TTC6: variants seen among roughly 807,000 people sequenced by gnomAD.
TTC6 encodes tetratricopeptide repeat protein 6.
A neutral mutation model predicts 210.4 loss-of-function variants in TTC6; 172 were observed. The ratio of observed to expected loss-of-function variants is 0.82; its 90% CI spans 0.72 to 0.93. TTC6 has a LOEUF of 0.93. Among genes scored for constraint, TTC6 ranks in the 40% least tolerant of loss-of-function variants. TTC6 has a pLI of 0.00. For missense variants in TTC6, 2,414 were observed against 2,318.1 expected (o/e 1.04, Z -0.85); for synonymous variants, 804 against 819.6 (o/e 0.98, Z 0.32).
rs367981745 is a variant in TTC6 at position 37,598,544 on chromosome 14, C to G, written c.-235+2536C>G. 6.6e-6 allele frequency among the ~76,000 whole-genome samples: 1 copy of G among 152,228 alleles called. No individual in the cohort carries two copies. Among genetic ancestry groups the G allele is most frequent in the Non-Finnish European group, 1.5e-5 (1 of 68,032 alleles). On this transcript the variant is annotated intron_variant, in intron 1 of 2. Coordinates refer to the TTC6 transcript ENST00000556845. This position sits in a 1 kb window ranked among gnomAD's most constrained non-coding sequence, Gnocchi z 4.9. ...CACTCGGTCCTTTGACCACGCTTGG[C>G]TGCCTCAGCTTACACTTCCCAGCAG...
chr14:37,738,951 G>A (rs1188049461), exon 10 of TTC6: 2 of 1,535,494 alleles, frequency 1.3e-6, no homozygotes, highest in Non-Finnish European at 1.7e-6. Flanking sequence ...GTGAAAGAAA[G>A]TATAGATGAC....
intron 14 of TTC6, among the ~76,000 whole-genome samples, chr14:37,765,097 T>C (rs912971114): frequency 1.3e-5 from 2 of 152,018 alleles, no homozygotes; most frequent in Non-Finnish European, 2.9e-5. Flanking sequence ...TATAAAAATT[T>C]TGTGCCTGTA....
chr14:37,774,588 A>T (rs187525689), intron 14 of TTC6, among the ~76,000 whole-genome samples: 82 of 152,284 alleles, frequency 5.4e-4, no homozygotes, highest in African/African-American at 1.9e-3. Context: ...GATAAAGCCT[A>T]CTTGCTCATG....
At chr14:37,635,815 C>T (rs1287475817) in intron 1 of TTC6, among the ~76,000 whole-genome samples, 3 of 151,412 alleles carry the variant, frequency 2.0e-5, no homozygotes, top group Non-Finnish European at 4.4e-5. Flanking sequence ...CCTGTCTCTA[C>T]CAAAAATACA....
intron 1 of TTC6, among the ~76,000 whole-genome samples, chr14:37,667,345 A>G (rs575153159): frequency 7.3e-5 from 11 of 150,520 alleles, no homozygotes; most frequent in Middle Eastern, 6.8e-3. Flanking sequence ...CATTAATACT[A>G]TGAATCGGAT....
intron 29 of TTC6, among the ~76,000 whole-genome samples, chr14:37,836,603 A>G (rs996820577): frequency 1.4e-4 from 22 of 152,184 alleles, no homozygotes; most frequent in South Asian, 8.3e-4. Flanking sequence ...TTTCATCTAA[A>G]ATATGTCCCA....
intron 6 of TTC6, among the ~76,000 whole-genome samples, chr14:37,717,222 C>G (rs1029616557): frequency 6.7e-6 from 1 of 149,664 alleles, no homozygotes; most frequent in Admixed American, 6.7e-5. Flanking sequence ...AAGCAGAAAT[C>G]AATGAAATTG....
chr14:37,801,936 C>T (rs4325461), intron 20 of TTC6, among the ~76,000 whole-genome samples: 130,886 of 152,192 alleles, frequency 0.86, 58,874 homozygotes, highest in Non-Finnish European at 1. Context: ...TACAAAGATA[C>T]ATGCATGTGT....
At chr14:37,602,197 A>T (rs1349631342) in intron 1 of TTC6, among the ~76,000 whole-genome samples, 1 of 152,244 alleles carries the variant, frequency 6.6e-6, no homozygotes, top group Non-Finnish European at 1.5e-5. Context: ...CCGGCCTCTT[A>T]GCTGGCCGTG....
chr14:37,701,643 G>A, intron 5 of TTC6, 117 bp downstream of exon 7: 3 of 1,002,686 alleles, frequency 3.0e-6, no homozygotes, highest in Non-Finnish European at 4.1e-6. Context: ...AAAGAGGAGG[G>A]AGCAGTTTTT....
At chr14:37,671,149 G>A (rs1006870834) in intron 1 of TTC6, among the ~76,000 whole-genome samples, 5 of 152,088 alleles carry the variant, frequency 3.3e-5, no homozygotes, top group African/African-American at 9.7e-5. Flanking sequence ...TGAGACTGAG[G>A]GATCTGCTCC....
At chr14:37,692,208 C>CAAAAAAAAAAAAAAAAAACAA (rs2095804792) in intron 3 of TTC6, among the ~76,000 whole-genome samples, 1 of 40,154 alleles carries the variant, frequency 2.5e-5, no homozygotes, top group Non-Finnish European at 3.9e-5. Flanking sequence ...AAAGACACAC[C>CAAAAAAAAAAAAAAAAAACAA]AAAAAAAAAA....
exon 1 of TTC6, chr14:37,622,076 C>T (rs757260631): frequency 5.2e-5 from 80 of 1,527,488 alleles, no homozygotes; most frequent in Non-Finnish European, 6.9e-5. Flanking sequence ...TGTCCACAAT[C>T]CCGAGACACT....
chr14:37,830,711 G>C (rs1781899398), intron 29 of TTC6, among the ~76,000 whole-genome samples: 1 of 149,736 alleles, frequency 6.7e-6, no homozygotes, highest in Non-Finnish European at 1.5e-5. Flanking sequence ...ATTTTTTCTT[G>C]ATGGCAATTG....
At chr14:37,796,811 A>T in exon 20 of TTC6, 1 of 1,607,456 alleles carries the variant, frequency 6.2e-7, no homozygotes, top group Non-Finnish European at 8.5e-7. Context: ...AGTCCTATGC[A>T]GCAAGCCCTT....
chr14:37,762,980 G>A (rs1338996731), intron 14 of TTC6, among the ~76,000 whole-genome samples: 2 of 150,650 alleles, frequency 1.3e-5, no homozygotes, highest in Non-Finnish European at 2.9e-5. Context: ...CACCTCCCGG[G>A]TTCACGCCAT....
intron 10 of TTC6, among the ~76,000 whole-genome samples, chr14:37,745,885 C>G (rs980860907): frequency 6.6e-6 from 1 of 152,150 alleles, no homozygotes; most frequent in Non-Finnish European, 1.5e-5. Context: ...AGGTTTTGGA[C>G]TATGAACTGG....
At chr14:37,836,296 G>A (rs1344825032) in intron 29 of TTC6, among the ~76,000 whole-genome samples, 1 of 152,136 alleles carries the variant, frequency 6.6e-6, no homozygotes, top group African/African-American at 2.4e-5. Context: ...AAGATCAATT[G>A]TCTCTAACTT....
Position 37,735,993 on chromosome 14 carries a change from A to G in TTC6, c.1891A>G (p.Ser631Gly), listed in dbSNP as rs182826781. ...CAGTGTCATTACTTTACATCAACAT[A>G]GCAGAACAAATTTTTGGGTATGTAC... Residue 631 changes from serine (S) to glycine (G), a missense_variant, in exon 8 of 31, where the codon AGC (serine) becomes GGC (glycine). Physicochemically the swap from Ser to Gly is moderately conservative, Grantham distance 56 (BLOSUM62 0). Coordinates refer to ENST00000553443, the Ensembl canonical transcript of TTC6. The G allele has an allele frequency of 3.6e-5, 55 of 1,530,418 alleles. No individual in the cohort carries two copies. The African/African-American group carries it at 7.0e-4, about 19-fold the overall frequency. 94.8% of individuals were successfully genotyped at this position (1,530,418 alleles called of 1,614,324 possible).
Sources: allele counts gnomAD v4.1 joint callset (sites outside exome capture counted in the v4.1 genomes callset), GRCh38; gene constraint gnomAD v4.1.1; non-coding constraint Gnocchi (gnomAD v3.1); transcripts MANE v1.5; gene names NCBI Gene and HGNC (gene_info 2026-07-23, HGNC 2026-07-21).